The following APBB1IP variants were observed in gnomAD, a reference collection of about 807,000 sequenced individuals.
APBB1IP encodes the protein amyloid beta A4 precursor protein-binding family B member 1-interacting protein.
Under a neutral mutation model 64.9 loss-of-function variants are expected in APBB1IP, and 27 were observed. The ratio of observed to expected loss-of-function variants is 0.42; its 90% CI spans 0.31 to 0.57. The LOEUF (loss-of-function observed/expected upper bound fraction) is 0.57. Among genes scored for constraint, APBB1IP ranks in the 20% least tolerant of loss-of-function variants. The pLI is 0.20. For synonymous variants in APBB1IP, 392 were observed against 331.0 expected (o/e 1.18, Z -2.00); for missense variants, 812 against 845.5 (o/e 0.96, Z 0.49).
chr10:26,536,308 C>A, intron 10 of APBB1IP, 91 bp downstream of exon 10: 1 of 1,357,456 alleles, frequency 7.4e-7, no homozygotes, highest in Non-Finnish European at 9.9e-7. Flanking sequence ...TAAATACATT[C>A]TCTGTTGCTG....
At chr10:26,519,569 C>T (rs1026523782) in intron 8 of APBB1IP, among the ~76,000 whole-genome samples, 11 of 152,156 alleles carry the variant, frequency 7.2e-5, no homozygotes, top group Admixed American at 5.2e-4. Context: ...CCACCAGGCC[C>T]GACTTCCAAC....
intron 11 of APBB1IP, among the ~76,000 whole-genome samples, chr10:26,545,759 CAAAA>C (rs571003302): frequency 5.4e-5 from 5 of 92,770 alleles, no homozygotes; most frequent in Admixed American, 2.3e-4. Context: ...GACTCCGTCT[CAAAA>C]AAAAAACAAA....
At chr10:26,556,255 G>A (rs527423942) in intron 11 of APBB1IP, among the ~76,000 whole-genome samples, 1 of 152,192 alleles carries the variant, frequency 6.6e-6, no homozygotes, top group Non-Finnish European at 1.5e-5. Context: ...GCTCGGTTAG[G>A]CAATAAGCTC....
intron 2 of APBB1IP, among the ~76,000 whole-genome samples, chr10:26,466,986 T>A (rs1589194765): frequency 6.6e-6 from 1 of 152,158 alleles, no homozygotes; most frequent in East Asian, 1.9e-4. Context: ...ATAGTGAGAA[T>A]GAGTTTGATT....
intron 3 of APBB1IP, among the ~76,000 whole-genome samples, chr10:26,493,530 T>C (rs540133031): frequency 3.3e-5 from 5 of 152,246 alleles, no homozygotes; most frequent in Non-Finnish European, 5.9e-5. Flanking sequence ...TCTTCTGCCA[T>C]GGCTTCAGCC....
intron 11 of APBB1IP, among the ~76,000 whole-genome samples, chr10:26,553,538 C>T (rs185247010): frequency 1.4e-4 from 21 of 152,224 alleles, no homozygotes; most frequent in Non-Finnish European, 2.4e-4. Flanking sequence ...TCTGTGGTCC[C>T]AGCTCCTCAG....
chr10:26,454,482 T>C (rs1835499796), intron 2 of APBB1IP, among the ~76,000 whole-genome samples: 1 of 151,272 alleles, frequency 6.6e-6, no homozygotes, highest in African/African-American at 2.4e-5. Flanking sequence ...TGAGACTCTG[T>C]CTCGAAAAAA....
At chr10:26,475,757 T>G (rs747867044) in intron 2 of APBB1IP, among the ~76,000 whole-genome samples, 2 of 152,152 alleles carry the variant, frequency 1.3e-5, no homozygotes, top group Non-Finnish European at 2.9e-5. Context: ...ACAGGAGAGA[T>G]AATATTTTTT....
At chr10:26,552,693 A>G (rs1234361908) in intron 11 of APBB1IP, among the ~76,000 whole-genome samples, 1 of 152,104 alleles carries the variant, frequency 6.6e-6, no homozygotes, top group Non-Finnish European at 1.5e-5. Context: ...GTCCCAGTTT[A>G]CTTCCTGTTT....
At chr10:26,559,390 T>A (rs1836937114) in intron 11 of APBB1IP, among the ~76,000 whole-genome samples, 1 of 148,350 alleles carries the variant, frequency 6.7e-6, no homozygotes, top group Non-Finnish European at 1.5e-5. Context: ...ATAGTGAGAC[T>A]CCAATTCTAC....
chr10:26,495,339 A>G lies in APBB1IP; in HGVS notation c.73-965A>G, dbSNP rs899465675. ...GATGAGGACTGTGTTTTCTCCTCCT[A>G]TGGTGGAGGAGAGTTTAAGTGAACG... On this transcript the variant is annotated intron_variant, in intron 3 of 14. Transcript: ENST00000376236. Among the ~76,000 whole-genome samples, 3 of 149,346 alleles carry G rather than the reference A, an allele frequency of 2.0e-5. No individual in the cohort carries two copies. The East Asian group carries it at 6.0e-4, about 30-fold the overall frequency.
At chr10:26,548,346 C>G (rs892350426) in intron 11 of APBB1IP, among the ~76,000 whole-genome samples, 1 of 131,950 alleles carries the variant, frequency 7.6e-6, no homozygotes, top group Non-Finnish European at 1.6e-5. Flanking sequence ...CCTCCCCCGA[C>G]CCCACAACAG....
chr10:26,527,189 T>C (rs1341528929), intron 8 of APBB1IP, among the ~76,000 whole-genome samples: 4 of 152,180 alleles, frequency 2.6e-5, no homozygotes, highest in Admixed American at 2.6e-4. Context: ...ATGACTTCGG[T>C]GCCCTGGATC....
chr10:26,547,641 C>T (rs1315014661), intron 11 of APBB1IP, among the ~76,000 whole-genome samples: 1 of 152,122 alleles, frequency 6.6e-6, no homozygotes, highest in Admixed American at 6.5e-5. Context: ...GATGGGGTTT[C>T]ACCATGTTAG....
At chr10:26,550,084 T>C (rs1465009166) in intron 11 of APBB1IP, among the ~76,000 whole-genome samples, 1 of 152,062 alleles carries the variant, frequency 6.6e-6, no homozygotes, top group Non-Finnish European at 1.5e-5. Flanking sequence ...GTCCCACTCT[T>C]TCTTGGCCTG....
intron 11 of APBB1IP, among the ~76,000 whole-genome samples, chr10:26,558,776 T>TA (rs1233150077): frequency 6.6e-6 from 1 of 151,980 alleles, no homozygotes; most frequent in Non-Finnish European, 1.5e-5. Flanking sequence ...GACCCTGTCT[T>TA]AAAAAATAAT....
intron 2 of APBB1IP, among the ~76,000 whole-genome samples, chr10:26,441,142 A>G (rs938442329): frequency 6.6e-6 from 1 of 152,226 alleles, no homozygotes; most frequent in African/African-American, 2.4e-5. Context: ...ATGAAAATGA[A>G]TGTGTGTGTT....
At chr10:26,559,392 C>T (rs1248686331) in intron 11 of APBB1IP, among the ~76,000 whole-genome samples, 2 of 146,220 alleles carry the variant, frequency 1.4e-5, no homozygotes, top group Non-Finnish European at 3.0e-5. Context: ...AGTGAGACTC[C>T]AATTCTACCA....
chr10:26,447,155 C>T (rs180769887), intron 2 of APBB1IP, among the ~76,000 whole-genome samples: 2 of 151,814 alleles, frequency 1.3e-5, no homozygotes, highest in East Asian at 1.9e-4. Flanking sequence ...GGGCAGATCA[C>T]GAGGTCAGGA....
Sources: gnomAD v4.1 joint callset for allele counts (sites outside exome capture counted in the v4.1 genomes callset) on GRCh38, gnomAD v4.1.1 for gene constraint, MANE v1.5 for transcripts, NCBI Gene and HGNC (gene_info 2026-07-23, HGNC 2026-07-21) for gene names.